Variants in CAP2 observed in about 807,000 individuals in gnomAD.
CAP2 encodes the protein cyclase associated actin cytoskeleton regulatory protein 2.
CAP2 carries 24 observed loss-of-function variants against 57.7 expected under a neutral mutation model. The observed-to-expected ratio is 0.42, with a 90% CI of 0.30 to 0.58. The LOEUF is 0.58. Ranked by LOEUF, CAP2 falls within the 20% of genes least tolerant of loss-of-function variation. The pLI, the probability that CAP2 is intolerant of heterozygous loss-of-function variation, is 0.22. For synonymous variants in CAP2, 194 were observed against 207.2 expected (o/e 0.94, Z 0.55); for missense variants, 501 against 590.3 (o/e 0.85, Z 1.57).
intron 3 of CAP2, among the ~76,000 whole-genome samples, chr6:17,427,448 C>A (rs147278773): frequency 6.6e-6 from 1 of 152,040 alleles, no homozygotes; most frequent in South Asian, 2.1e-4. Context: ...CTGTAAAATG[C>A]GGCCTGAGGA....
intron 4 of CAP2, among the ~76,000 whole-genome samples, chr6:17,487,109 G>A (rs554168972): frequency 9.1e-4 from 138 of 152,294 alleles, no homozygotes; most frequent in Non-Finnish European, 1.6e-3. Context: ...TGCTGAGCAC[G>A]TACTATGTGC....
At chr6:17,442,152 A>C (rs546471592) in intron 3 of CAP2, among the ~76,000 whole-genome samples, 1 of 152,276 alleles carries the variant, frequency 6.6e-6, no homozygotes, top group Admixed American at 6.5e-5. Context: ...CTGAATCCTC[A>C]CTGGAGTTGC....
chr6:17,538,064 C>T (rs1762815152), intron 7 of CAP2, among the ~76,000 whole-genome samples: 2 of 151,856 alleles, frequency 1.3e-5, no homozygotes, highest in African/African-American at 4.8e-5. Context: ...AAGACTCCAT[C>T]TCAAAATTAA....
chr6:17,525,220 C>T (rs920512123), intron 7 of CAP2, among the ~76,000 whole-genome samples: 1 of 152,090 alleles, frequency 6.6e-6, no homozygotes, highest in Non-Finnish European at 1.5e-5. Flanking sequence ...AGTATTAAAT[C>T]TTTCTCTCCA....
intron 4 of CAP2, among the ~76,000 whole-genome samples, chr6:17,469,390 CTGTG>C (rs150257695): frequency 6.6e-6 from 1 of 151,678 alleles, no homozygotes; most frequent in African/African-American, 2.4e-5. Context: ...GAAATGATCT[CTGTG>C]TGTGTGTGTG....
chr6:17,542,039 CTT>C (rs1340618546), intron 9 of CAP2, among the ~76,000 whole-genome samples: 10 of 152,310 alleles, frequency 6.6e-5, no homozygotes, highest in South Asian at 6.2e-4. Flanking sequence ...CTACAGAACT[CTT>C]TTCATCTTGC....
chr6:17,448,942 A>T (rs1255426213), intron 3 of CAP2, among the ~76,000 whole-genome samples: 1 of 152,126 alleles, frequency 6.6e-6, no homozygotes, highest in Non-Finnish European at 1.5e-5. Context: ...TTGTATGTTT[A>T]GTAAAGACAG....
intron 4 of CAP2, among the ~76,000 whole-genome samples, chr6:17,498,628 C>T (rs189953935): frequency 6.6e-6 from 1 of 152,214 alleles, no homozygotes. Flanking sequence ...ATCCTGGGCC[C>T]CCATTAAACA....
At position 17,550,366 on chromosome 6, in the gene CAP2, T is replaced by C. The variant is rs534152105; in HGVS notation, c.1210-1098T>C. ...TATTATTATTTGTAGTAGAGCCCTA[T>C]GTGTACCTGACCTTGAACTACCCCT... On this transcript the variant is annotated intron_variant, in intron 11 of 12. Coordinates refer to ENST00000229922, the MANE Select transcript of CAP2 (RefSeq NM_006366.3). Among the ~76,000 whole-genome samples, 10 of 150,488 alleles carry C rather than the reference T, an allele frequency of 6.6e-5. No individual in the cohort carries two copies. The East Asian group carries it at 7.8e-4, about 12-fold the overall frequency.
intron 4 of CAP2, among the ~76,000 whole-genome samples, chr6:17,469,584 C>T (rs1159377898): frequency 6.6e-6 from 1 of 152,086 alleles, no homozygotes; most frequent in Admixed American, 6.5e-5. Flanking sequence ...TTCTGTATTC[C>T]TCCATAAGGG....
chr6:17,541,075 C>T lies in CAP2; in HGVS notation c.929C>T (p.Pro310Leu). ...CCCACCAAAAGTCACACTCCAAGTCCCACATCTCCTAAATCTTATCCTTCT... is the reference window on the plus strand; with the variant it reads ...CCCACCAAAAGTCACACTCCAAGTCTCACATCTCCTAAATCTTATCCTTCT... The part of the protein sequence containing the change: ...QSPTKSHTPS[P>L]TSPKSYPSQK... Residue 310 changes from proline (P) to leucine (L), a missense_variant, in exon 9 of 13, where the codon CCC (proline) becomes CTC (leucine). Pro to Leu is a moderately conservative substitution (Grantham distance 98). Coordinates refer to ENST00000229922, the MANE Select transcript of CAP2 (RefSeq NM_006366.3). 1 of 1,614,074 alleles carries T rather than the reference C, an allele frequency of 6.2e-7. No homozygotes were observed. Among genetic ancestry groups the T allele is most frequent in the Non-Finnish European group, 8.5e-7 (1 of 1,179,950 alleles).
At chr6:17,461,989 T>A (rs1377549147) in intron 3 of CAP2, among the ~76,000 whole-genome samples, 62 of 21,462 alleles carry the variant, frequency 2.9e-3, no homozygotes, top group African/African-American at 8.4e-3. Context: ...CGAGACTCCG[T>A]CTCAAAAAAA....
intron 7 of CAP2, among the ~76,000 whole-genome samples, chr6:17,537,172 C>A (rs527303213): frequency 6.6e-6 from 1 of 152,086 alleles, no homozygotes; most frequent in Admixed American, 6.6e-5. Context: ...TTGAAAATAG[C>A]GTGTTGTGTT....
At chr6:17,462,386 AT>A (rs771942934) in intron 3 of CAP2, among the ~76,000 whole-genome samples, 7 of 152,128 alleles carry the variant, frequency 4.6e-5, no homozygotes, top group Non-Finnish European at 8.8e-5. Flanking sequence ...GGGCTCAAAC[AT>A]TTTTTAACAG....
intron 4 of CAP2, among the ~76,000 whole-genome samples, chr6:17,469,936 G>A (rs1363325820): frequency 6.6e-6 from 1 of 152,208 alleles, no homozygotes. Context: ...CCTAGCGGCA[G>A]TGATCTTAGG....
rs193256861 is a variant in CAP2, at chr6:17,521,603, T to A, written c.636+7649T>A. The stretch of plus-strand genomic sequence containing the variant: ...GGCTAAGAATACAAAGATGGGTAGA[T>A]GGCATTGTGGACACGATTCCTGTCC... On this transcript the variant is annotated intron_variant, in intron 7 of 12. Coordinates refer to ENST00000229922, the MANE Select transcript of CAP2 (RefSeq NM_006366.3). Among the ~76,000 whole-genome samples, 429 of 152,292 alleles carry A rather than the reference T, an allele frequency of 2.8e-3. 5 individuals are homozygous for A. The Middle Eastern group carries it at 0.034, about 12-fold the overall frequency.
chr6:17,532,431 G>A (rs1346040510), intron 7 of CAP2, among the ~76,000 whole-genome samples: 8 of 146,580 alleles, frequency 5.5e-5, no homozygotes, highest in Non-Finnish European at 7.5e-5. Flanking sequence ...GTGAGCCACC[G>A]CGCCCAGCTG....
intron 3 of CAP2, among the ~76,000 whole-genome samples, chr6:17,458,398 T>C (rs1261693056): frequency 6.6e-6 from 1 of 152,216 alleles, no homozygotes; most frequent in African/African-American, 2.4e-5. Context: ...TGATTTTAAA[T>C]GTAAATAGTC....
intron 11 of CAP2, among the ~76,000 whole-genome samples, chr6:17,550,955 G>T (rs1205244573): frequency 2.6e-5 from 4 of 152,028 alleles, no homozygotes; most frequent in Non-Finnish European, 5.9e-5. Context: ...TGAAAAGAAT[G>T]GTAGTGTTTC....
Sources: allele counts gnomAD v4.1 joint callset (sites outside exome capture counted in the v4.1 genomes callset), GRCh38; gene constraint gnomAD v4.1.1; transcripts MANE v1.5; gene names NCBI Gene and HGNC (gene_info 2026-07-23, HGNC 2026-07-21).